Variants in KLHL1 observed in about 807,000 individuals in gnomAD.
KLHL1 encodes kelch like family member 1, also known as kelch-like protein 1.
Under a neutral mutation model 77.7 loss-of-function variants are expected in KLHL1, and 47 were observed. That is an observed-to-expected ratio of 0.60 (90% CI 0.48 to 0.77). KLHL1 has a LOEUF of 0.77. Ranked by LOEUF, KLHL1 falls within the 30% of genes least tolerant of loss-of-function variation. KLHL1 has a pLI of 0.00. For missense variants in KLHL1, 925 were observed against 910.8 expected (o/e 1.02, Z -0.20); for synonymous variants, 360 against 325.2 (o/e 1.11, Z -1.15).
intron 3 of KLHL1, among the ~76,000 whole-genome samples, chr13:69,942,174 T>TTA (rs1019833707): frequency 6.6e-6 from 1 of 152,016 alleles, no homozygotes; most frequent in African/African-American, 2.4e-5. Context: ...ATATTTTCAT[T>TTA]TATATATATA....
At chr13:69,846,703 T>C (rs1879473359) in intron 5 of KLHL1, among the ~76,000 whole-genome samples, 1 of 151,328 alleles carries the variant, frequency 6.6e-6, no homozygotes, top group Non-Finnish European at 1.5e-5. Context: ...CATAATTTAC[T>C]TGTTGATGGT....
At chr13:69,941,083 G>A (rs1288853671) in intron 3 of KLHL1, among the ~76,000 whole-genome samples, 3 of 151,820 alleles carry the variant, frequency 2.0e-5, no homozygotes, top group Non-Finnish European at 4.4e-5. Flanking sequence ...GTATAACAAT[G>A]AACCTAAACT....
chr13:69,780,714 A>ATATATG (rs1431136992), intron 7 of KLHL1, among the ~76,000 whole-genome samples: 1 of 35,530 alleles, frequency 2.8e-5, no homozygotes, highest in Non-Finnish European at 4.8e-5. Context: ...ATATATATAT[A>ATATATG]TGTATATATA....
At chr13:69,806,547 G>A (rs1877625818) in intron 6 of KLHL1, among the ~76,000 whole-genome samples, 1 of 152,146 alleles carries the variant, frequency 6.6e-6, no homozygotes, top group Non-Finnish European at 1.5e-5. Context: ...AGCTTACCCA[G>A]CTGGGAACAG....
At chr13:69,920,339 A>G (rs1206421858) in intron 4 of KLHL1, among the ~76,000 whole-genome samples, 1 of 152,130 alleles carries the variant, frequency 6.6e-6, no homozygotes, top group Non-Finnish European at 1.5e-5. Context: ...TAAAAATGTT[A>G]AAAGATCTGA....
intron 1 of KLHL1, among the ~76,000 whole-genome samples, chr13:70,103,655 C>A (rs749397298): frequency 1.6e-4 from 25 of 152,042 alleles, no homozygotes; most frequent in Admixed American, 3.3e-4. Flanking sequence ...TAAGCAAAAG[C>A]AGCAATTCTT....
At chr13:70,104,727 A>G (rs1387889190) in intron 1 of KLHL1, among the ~76,000 whole-genome samples, 1 of 152,162 alleles carries the variant, frequency 6.6e-6, no homozygotes, top group Non-Finnish European at 1.5e-5. Flanking sequence ...GTCATACAGC[A>G]TTCATATAGT....
intron 4 of KLHL1, among the ~76,000 whole-genome samples, chr13:69,896,153 C>T (rs1881629596): frequency 6.6e-6 from 1 of 152,078 alleles, no homozygotes; most frequent in South Asian, 2.1e-4. Flanking sequence ...TGGTTTGCCC[C>T]ACTTTCTCCA....
chr13:70,044,025 T>C (rs1353903855), intron 1 of KLHL1, among the ~76,000 whole-genome samples: 3 of 152,140 alleles, frequency 2.0e-5, no homozygotes, highest in African/African-American at 4.8e-5. Context: ...AAAAGTAAAT[T>C]CCCGTTGTCC....
intron 6 of KLHL1, among the ~76,000 whole-genome samples, chr13:69,811,317 T>C (rs957157908): frequency 6.6e-6 from 1 of 152,092 alleles, no homozygotes; most frequent in Non-Finnish European, 1.5e-5. Context: ...CAAGGATAAT[T>C]TAACACATGC....
intron 4 of KLHL1, among the ~76,000 whole-genome samples, chr13:69,899,258 G>A (rs930731347): frequency 8.5e-5 from 13 of 152,158 alleles, no homozygotes; most frequent in African/African-American, 3.1e-4. Context: ...GCAAATCCAG[G>A]TGGTTGTGCA....
intron 9 of KLHL1, among the ~76,000 whole-genome samples, chr13:69,714,134 C>A (rs1876002872): frequency 6.6e-6 from 1 of 152,072 alleles, no homozygotes; most frequent in South Asian, 2.1e-4. Context: ...AAATAAATTT[C>A]TGCTTCCCTT....
intron 4 of KLHL1, among the ~76,000 whole-genome samples, chr13:69,891,972 A>G (rs1204518462): frequency 6.6e-6 from 1 of 152,074 alleles, no homozygotes; most frequent in Non-Finnish European, 1.5e-5. Context: ...AAAACTAACA[A>G]ATTTCTCAAA....
At chr13:69,818,935 T>A (rs1031658828) in intron 6 of KLHL1, among the ~76,000 whole-genome samples, 1 of 152,212 alleles carries the variant, frequency 6.6e-6, no homozygotes, top group Admixed American at 6.5e-5. Flanking sequence ...CATACAGTAT[T>A]TTAATGTTAT....
At chr13:69,850,018 T>C (rs564347954) in intron 5 of KLHL1, among the ~76,000 whole-genome samples, 1 of 151,660 alleles carries the variant, frequency 6.6e-6, no homozygotes, top group East Asian at 1.9e-4. Context: ...TACTAAATGA[T>C]TTATTCCAGA....
intron 1 of KLHL1, among the ~76,000 whole-genome samples, chr13:70,057,804 A>AAG (rs1566539529): frequency 2.0e-5 from 3 of 149,014 alleles, no homozygotes; most frequent in Non-Finnish European, 4.5e-5. Flanking sequence ...AAAAAAAAAA[A>AAG]AGAAAGAAAG....
At chr13:69,774,652 C>T (rs1284568902) in intron 7 of KLHL1, among the ~76,000 whole-genome samples, 1 of 143,568 alleles carries the variant, frequency 7.0e-6, no homozygotes, top group Non-Finnish European at 1.6e-5. Context: ...AATAAACTTG[C>T]CTTCACTTAA....
chr13:69,944,399 C>T (rs985466371), intron 3 of KLHL1, among the ~76,000 whole-genome samples: 1 of 152,160 alleles, frequency 6.6e-6, no homozygotes, highest in Non-Finnish European at 1.5e-5. Flanking sequence ...TGGCCTTCGC[C>T]CCATAGGTAG....
intron 4 of KLHL1, among the ~76,000 whole-genome samples, chr13:69,909,654 A>G (rs928684010): frequency 2.6e-5 from 4 of 151,984 alleles, no homozygotes; most frequent in Non-Finnish European, 5.9e-5. Flanking sequence ...CATTCCATGC[A>G]TGAGTTCTGG....
Sources: allele counts gnomAD v4.1 joint callset (sites outside exome capture counted in the v4.1 genomes callset), GRCh38; gene constraint gnomAD v4.1.1; transcripts MANE v1.5; gene names NCBI Gene and HGNC (gene_info 2026-07-23, HGNC 2026-07-21).